Variants in MSRA observed in about 807,000 individuals in gnomAD.
MSRA encodes methionine sulfoxide reductase A, also known as mitochondrial peptide methionine sulfoxide reductase.
In MSRA, 54 loss-of-function variants were observed where a neutral mutation model predicts 31.3. The ratio of observed to expected loss-of-function variants is 1.73; its 90% confidence interval spans 1.39 to 2.17. MSRA has a LOEUF of 2.17. Among genes scored for constraint, MSRA ranks in the 30% most tolerant of loss-of-function variants. MSRA has a pLI of 0.00. For synonymous variants in MSRA, 169 were observed against 116.5 expected (o/e 1.45, Z -2.90); for missense variants, 507 against 300.9 (o/e 1.69, Z -5.07).
At chr8:10,200,130 A>G (rs911777157) in intron 1 of MSRA, among the ~76,000 whole-genome samples, 1 of 152,162 alleles carries the variant, frequency 6.6e-6, no homozygotes, top group African/African-American at 2.4e-5. Flanking sequence ...CATCGGCTCC[A>G]TTACCAGCCG....
chr8:10,276,231 C>G (rs1312598746), intron 3 of MSRA, among the ~76,000 whole-genome samples: 4 of 152,214 alleles, frequency 2.6e-5, no homozygotes, highest in Admixed American at 1.3e-4. Flanking sequence ...CCTCCTGGAG[C>G]AGCTGTTTGG....
rs554913183 is a variant in MSRA, at chr8:10,303,262, A to G, written c.436+1624A>G. ...AGGCTTAGGCCTGGCAGAATTGTAA[A>G]GAAGGCCAAGTCTGTCGTCAACTTC... On this transcript the variant is annotated intron_variant, in intron 4 of 5. Transcript: ENST00000317173. 1.1e-4 allele frequency among the ~76,000 whole-genome samples: 17 copies of G among 152,366 alleles called. No individual in the cohort carries two copies. The South Asian group carries it at 2.1e-3, about 19-fold the overall frequency.
intron 5 of MSRA, among the ~76,000 whole-genome samples, chr8:10,383,802 T>A (rs796238742): frequency 3.3e-5 from 5 of 152,328 alleles, no homozygotes; most frequent in Admixed American, 1.3e-4. Context: ...CCTTCCTGCT[T>A]GCTGTCACCT....
At chr8:10,129,510 C>A (rs751160234) in intron 1 of MSRA, among the ~76,000 whole-genome samples, 4 of 152,028 alleles carry the variant, frequency 2.6e-5, no homozygotes, top group Non-Finnish European at 2.9e-5. Flanking sequence ...TGCCCTGCAG[C>A]CTCTGATGCA....
intron 2 of MSRA, among the ~76,000 whole-genome samples, chr8:10,209,169 C>A (rs1052104229): frequency 6.6e-6 from 1 of 152,220 alleles, no homozygotes; most frequent in African/African-American, 2.4e-5. Flanking sequence ...CTCTCTAAAC[C>A]ATGTGCTAAA....
At chr8:10,085,745 G>T (rs1255992506) in intron 1 of MSRA, among the ~76,000 whole-genome samples, 2 of 152,186 alleles carry the variant, frequency 1.3e-5, no homozygotes, top group East Asian at 3.9e-4. Context: ...CCTCTTTGCA[G>T]TCAGTCTGCT....
intron 2 of MSRA, among the ~76,000 whole-genome samples, chr8:10,220,781 C>T (rs949207697): frequency 6.6e-6 from 1 of 152,158 alleles, no homozygotes. Flanking sequence ...GTTTCCTCAG[C>T]ATATGACCTT....
intron 1 of MSRA, among the ~76,000 whole-genome samples, chr8:10,078,992 G>A (rs1001557363): frequency 5.3e-5 from 8 of 152,178 alleles, no homozygotes; most frequent in Admixed American, 2.6e-4. Context: ...GGCCGCAGGC[G>A]TGCTGGACAT....
chr8:10,387,075 C>G (rs1486921187), intron 5 of MSRA, among the ~76,000 whole-genome samples: 1 of 152,144 alleles, frequency 6.6e-6, no homozygotes, highest in Admixed American at 6.5e-5. Flanking sequence ...CTGACAAGCT[C>G]CAGAGGCAGC....
Position 10,103,832 on chromosome 8 carries a change from A to G in MSRA, c.142+49174A>G, listed in dbSNP as rs558690543. ...TTCAGAAGTGACAAATGCCATATTT[A>G]TTTTCCTCAGATGTTAAAAAAAAAA... On this transcript the variant is annotated intron_variant, in intron 1 of 5. Transcript: ENST00000317173. Among the ~76,000 whole-genome samples, 268 of 147,430 alleles carry G rather than the reference A, an allele frequency of 1.8e-3. 1 individual carries two copies. The highest frequency in any genetic ancestry group is 6.5e-3 in the African/African-American group (258 of 39,858).
intron 1 of MSRA, among the ~76,000 whole-genome samples, chr8:10,206,289 G>A (rs1808969485): frequency 6.6e-6 from 1 of 152,144 alleles, no homozygotes; most frequent in South Asian, 2.1e-4. Flanking sequence ...TCACACAGCT[G>A]GGACCTTCCA....
intron 5 of MSRA, among the ~76,000 whole-genome samples, chr8:10,420,639 G>A (rs914675037): frequency 2.0e-5 from 3 of 152,042 alleles, no homozygotes; most frequent in Non-Finnish European, 4.4e-5. Context: ...AGGTTCAGTG[G>A]TAGCACAGGT....
intron 1 of MSRA, among the ~76,000 whole-genome samples, chr8:10,118,280 A>G (rs1403618998): frequency 2.0e-5 from 3 of 152,138 alleles, no homozygotes; most frequent in Admixed American, 6.5e-5. Flanking sequence ...TCTTTCATTC[A>G]TTTATTCCAC....
At chr8:10,186,473 T>G (rs1807063522) in intron 1 of MSRA, among the ~76,000 whole-genome samples, 1 of 152,222 alleles carries the variant, frequency 6.6e-6, no homozygotes, top group Non-Finnish European at 1.5e-5. Context: ...TTCTAATGGT[T>G]GTTCAGCCAT....
At chr8:10,184,081 G>A (rs1454482449) in intron 1 of MSRA, among the ~76,000 whole-genome samples, 1 of 151,800 alleles carries the variant, frequency 6.6e-6, no homozygotes, top group African/African-American at 2.4e-5. Context: ...TTTTGTTGGT[G>A]TTATTGTGAG....
chr8:10,404,000 G>A (rs1807632713), intron 5 of MSRA, among the ~76,000 whole-genome samples: 1 of 152,076 alleles, frequency 6.6e-6, no homozygotes, highest in African/African-American at 2.4e-5. Context: ...GTTGGGCGGG[G>A]GACTGTTGCT....
chr8:10,191,645 C>G (rs899040003), intron 1 of MSRA, among the ~76,000 whole-genome samples: 14 of 152,090 alleles, frequency 9.2e-5, no homozygotes, highest in African/African-American at 3.4e-4. Flanking sequence ...AGAAAATAAA[C>G]CACATAGAGA....
At chr8:10,206,394 C>T (rs1176429641) in intron 1 of MSRA, among the ~76,000 whole-genome samples, 1 of 152,168 alleles carries the variant, frequency 6.6e-6, no homozygotes, top group African/African-American at 2.4e-5. Flanking sequence ...GCTGGGTTCT[C>T]CCTTTTCCCA....
intron 4 of MSRA, among the ~76,000 whole-genome samples, chr8:10,302,014 TTC>T (rs1800876022): frequency 6.6e-6 from 1 of 152,266 alleles, no homozygotes; most frequent in Non-Finnish European, 1.5e-5. Flanking sequence ...GTTTCTTTAT[TTC>T]TCTGAGTTTA....
Sources: gnomAD v4.1 joint callset for allele counts (sites outside exome capture counted in the v4.1 genomes callset) on GRCh38, gnomAD v4.1.1 for gene constraint, MANE v1.5 for transcripts, NCBI Gene and HGNC (gene_info 2026-07-23, HGNC 2026-07-21) for gene names.